Variants in MYO5B observed in about 807,000 individuals in gnomAD.
MYO5B encodes the protein myosin VB.
Under a neutral mutation model 229.3 loss-of-function variants are expected in MYO5B, and 143 were observed. That is an observed-to-expected ratio of 0.62 (90% CI 0.54 to 0.72). The LOEUF (loss-of-function observed/expected upper bound fraction) is 0.72, where lower values mean the gene tolerates loss of function less well. Ranked by LOEUF, MYO5B falls within the 30% of genes least tolerant of loss-of-function variation. The pLI is 0.00. For missense variants in MYO5B, 2,321 were observed against 2,331.0 expected (o/e 1.00, Z 0.09); for synonymous variants, 918 against 885.2 (o/e 1.04, Z -0.66).
At chr18:49,888,032 G>A (rs558931923) in intron 22 of MYO5B, among the ~76,000 whole-genome samples, 3 of 152,260 alleles carry the variant, frequency 2.0e-5, no homozygotes, top group African/African-American at 7.2e-5. Context: ...TATAGTAGTT[G>A]CCCTCAGAGA....
At chr18:50,002,577 A>T (rs1196987993) in intron 4 of MYO5B, among the ~76,000 whole-genome samples, 1 of 152,176 alleles carries the variant, frequency 6.6e-6, no homozygotes, top group Non-Finnish European at 1.5e-5. Context: ...ATGGATGTTC[A>T]AAGCAGGGAG....
In MYO5B at chr18:50,055,265, T is replaced by G. The variant is rs373277217; in HGVS notation, c.138+3A>C. On this transcript the variant is annotated splice_donor_region_variant and intron_variant, in intron 2 of 39. Coordinates refer to ENST00000285039, the MANE Select transcript of MYO5B (RefSeq NM_001080467.3). ...CGCCCCCCTGCCCCGGACTCACTCT[T>G]ACCGTTTCATCCTCCAGTCTGAGCT... 2.3e-5 allele frequency: 24 copies of G among 1,051,230 alleles called. 1 individual carries two copies. Among genetic ancestry groups the G allele is most frequent in the African/African-American group, 1.6e-4 (9 of 57,990 alleles). The allele number at this position is 1,051,230 out of a possible 1,614,324, so 65.1% of individuals were successfully genotyped here. A position where few individuals can be genotyped will look rare whatever the true frequency, so the allele number is the denominator to read the frequency against.
At chr18:50,047,026 T>C (rs562808314) in intron 2 of MYO5B, among the ~76,000 whole-genome samples, 26 of 152,238 alleles carry the variant, frequency 1.7e-4, no homozygotes, top group Non-Finnish European at 2.8e-4. Flanking sequence ...GACATAGGCA[T>C]GGGCAAGGAC....
intron 4 of MYO5B, among the ~76,000 whole-genome samples, chr18:50,014,027 T>C (rs920714683): frequency 4.6e-5 from 7 of 152,194 alleles, no homozygotes; most frequent in Non-Finnish European, 7.3e-5. Flanking sequence ...TCAGGAATCT[T>C]TGACCCCCTC....
chr18:50,043,451 T>A (rs1265984780), intron 2 of MYO5B, among the ~76,000 whole-genome samples: 7 of 113,370 alleles, frequency 6.2e-5, no homozygotes, highest in South Asian at 2.4e-4. Context: ...TATTAAATAT[T>A]TAAATATATT....
intron 16 of MYO5B, among the ~76,000 whole-genome samples, chr18:49,934,260 C>A (rs1268401514): frequency 6.6e-6 from 1 of 151,946 alleles, no homozygotes; most frequent in African/African-American, 2.4e-5. Flanking sequence ...TGAGCTCAAA[C>A]TAGACACAGA....
intron 1 of MYO5B, among the ~76,000 whole-genome samples, chr18:50,138,514 C>T (rs1366352788): frequency 6.6e-6 from 1 of 152,130 alleles, no homozygotes; most frequent in East Asian, 1.9e-4. Context: ...AAAAGAAAGG[C>T]ACCAGAACAG....
chr18:49,990,062 T>C (rs1454131384), intron 7 of MYO5B, among the ~76,000 whole-genome samples: 2 of 152,222 alleles, frequency 1.3e-5, no homozygotes, highest in Non-Finnish European at 2.9e-5. Flanking sequence ...AGTTAAAACA[T>C]GCTGGTTATG....
chr18:50,127,241 G>A (rs550050582), intron 1 of MYO5B, among the ~76,000 whole-genome samples: 21 of 152,242 alleles, frequency 1.4e-4, no homozygotes, highest in African/African-American at 5.1e-4. Context: ...AACCATATTT[G>A]GGCACCTATT....
At chr18:49,994,390 G>A (rs1038334346) in intron 5 of MYO5B, among the ~76,000 whole-genome samples, 4 of 152,198 alleles carry the variant, frequency 2.6e-5, no homozygotes, top group African/African-American at 7.2e-5. Flanking sequence ...GTCCTCATAC[G>A]TAACTTGCCA....
At chr18:49,978,562 C>G (rs1375264245) in intron 9 of MYO5B, among the ~76,000 whole-genome samples, 1 of 152,076 alleles carries the variant, frequency 6.6e-6, no homozygotes, top group Non-Finnish European at 1.5e-5. Context: ...AGTCATCCAC[C>G]CATCTACTTC....
intron 1 of MYO5B, among the ~76,000 whole-genome samples, chr18:50,176,801 G>C (rs141941451): frequency 6.6e-6 from 1 of 152,122 alleles, no homozygotes; most frequent in Non-Finnish European, 1.5e-5. Context: ...TTTTCTAAAG[G>C]CTGCAACTAT....
At chr18:49,862,468 C>T (rs770717548) in intron 29 of MYO5B, among the ~76,000 whole-genome samples, 58 of 152,168 alleles carry the variant, frequency 3.8e-4, no homozygotes, top group Non-Finnish European at 7.2e-4. Flanking sequence ...GGAAGGATGC[C>T]GCTATGGCTG....
intron 1 of MYO5B, among the ~76,000 whole-genome samples, chr18:50,157,443 A>C (rs1208141849): frequency 6.6e-6 from 1 of 152,096 alleles, no homozygotes; most frequent in Non-Finnish European, 1.5e-5. Context: ...GTCTCTTTCC[A>C]ACCTCTCTCA....
chr18:49,848,972 TG>T (rs2144052104), intron 32 of MYO5B, among the ~76,000 whole-genome samples: 1 of 152,076 alleles, frequency 6.6e-6, no homozygotes, highest in South Asian at 2.1e-4. Context: ...CCTGAGCATG[TG>T]GCTCCTGAGC....
intron 10 of MYO5B, among the ~76,000 whole-genome samples, chr18:49,965,888 G>A (rs2025619442): frequency 6.6e-6 from 1 of 152,190 alleles, no homozygotes; most frequent in Non-Finnish European, 1.5e-5. Context: ...ATACCAACGA[G>A]GTAATAGCGA....
intron 1 of MYO5B, among the ~76,000 whole-genome samples, chr18:50,096,116 G>C (rs1203448200): frequency 6.6e-6 from 1 of 152,042 alleles, no homozygotes; most frequent in East Asian, 1.9e-4. Context: ...GTCCAAACCA[G>C]GACACTTCCC....
chr18:49,848,501 G>A (rs1004704189), intron 32 of MYO5B, among the ~76,000 whole-genome samples: 1 of 152,214 alleles, frequency 6.6e-6, no homozygotes, highest in Non-Finnish European at 1.5e-5. Context: ...TCTGAGTGGA[G>A]GTGGGGGAGA....
At position 49,826,712 on chromosome 18, in the gene MYO5B, C is replaced by T. The variant is rs565699217; in HGVS notation, c.5395-89G>A. ...TTCACAAAAGTGAGTTGGCATATAT[C>T]ATGGAAAGATTTCTACGACAATTAG... On this transcript the variant is annotated intron_variant, in intron 39 of 39. Transcript: ENST00000285039. 2.1e-6 allele frequency: 3 copies of T among 1,462,330 alleles called. No individual in the cohort carries two copies. The South Asian group carries it at 3.4e-5, about 17-fold the overall frequency. 90.6% of individuals were successfully genotyped at this position (1,462,330 alleles called of 1,614,324 possible).
Sources: gnomAD v4.1 joint callset for allele counts (sites outside exome capture counted in the v4.1 genomes callset) on GRCh38, gnomAD v4.1.1 for gene constraint, MANE v1.5 for transcripts, NCBI Gene and HGNC (gene_info 2026-07-23, HGNC 2026-07-21) for gene names.